KCNMB2: variants seen among roughly 807,000 people sequenced by gnomAD.
KCNMB2 encodes calcium-activated potassium channel subunit beta-2.
KCNMB2 carries 9 observed loss-of-function variants against 24.5 expected under a neutral mutation model. The ratio of observed to expected loss-of-function variants is 0.37; its 90% confidence interval spans 0.22 to 0.64. The LOEUF (loss-of-function observed/expected upper bound fraction) is 0.64, where lower values mean the gene tolerates loss of function less well. Among genes scored for constraint, KCNMB2 ranks in the 30% least tolerant of loss-of-function variants. KCNMB2 has a pLI of 0.63. For missense variants in KCNMB2, 226 were observed against 284.3 expected (o/e 0.79, Z 1.47); for synonymous variants, 109 against 104.4 (o/e 1.04, Z -0.27).
At chr3:178,809,185 C>T (rs1023073540) in intron 2 of KCNMB2, among the ~76,000 whole-genome samples, 6 of 152,210 alleles carry the variant, frequency 3.9e-5, no homozygotes, top group Non-Finnish European at 7.3e-5. Context: ...GGTCCTGCAA[C>T]TTTCATGCCA....
At chr3:178,768,939 ATG>A (rs1454687879) in intron 1 of KCNMB2, among the ~76,000 whole-genome samples, 1 of 147,460 alleles carries the variant, frequency 6.8e-6, no homozygotes, top group African/African-American at 2.5e-5. Context: ...ATACCCCATA[ATG>A]TACCAACATT....
intron 1 of KCNMB2, among the ~76,000 whole-genome samples, chr3:178,779,977 C>T (rs952946044): frequency 3.2e-4 from 48 of 150,932 alleles, no homozygotes; most frequent in African/African-American, 1.2e-3. Context: ...GGATTCTTTT[C>T]CTATACTTAC....
intron 1 of KCNMB2, among the ~76,000 whole-genome samples, chr3:178,656,408 G>A (rs1353192521): frequency 6.6e-6 from 1 of 152,136 alleles, no homozygotes. Context: ...TGATATTATA[G>A]CATATGTCAG....
intron 4 of KCNMB2, chr3:178,841,690 T>G (rs893970980): frequency 1.3e-5 from 2 of 152,152 alleles, no homozygotes; most frequent in African/African-American, 4.8e-5. Context: ...TCAAATCTCA[T>G]GAGAACTTAC....
At chr3:178,735,299 C>G (rs943156667) in intron 1 of KCNMB2, among the ~76,000 whole-genome samples, 28 of 152,004 alleles carry the variant, frequency 1.8e-4, no homozygotes, top group Non-Finnish European at 5.9e-5. Flanking sequence ...GCCTGGATCA[C>G]AGTTCTCAAA....
intron 1 of KCNMB2, among the ~76,000 whole-genome samples, chr3:178,672,092 G>A (rs535613356): frequency 4.7e-4 from 71 of 152,296 alleles, no homozygotes; most frequent in African/African-American, 1.7e-3. Context: ...CTGAAGGACT[G>A]TAGCACAGGA....
chr3:178,562,982 G>C (rs758311365), intron 1 of KCNMB2, among the ~76,000 whole-genome samples: 9 of 152,180 alleles, frequency 5.9e-5, no homozygotes, highest in Non-Finnish European at 1.2e-4. Flanking sequence ...ATTGTGTCAA[G>C]CAAAACACAT....
intron 1 of KCNMB2, among the ~76,000 whole-genome samples, chr3:178,569,218 G>T (rs1261431793): frequency 6.6e-6 from 1 of 152,060 alleles, no homozygotes; most frequent in Non-Finnish European, 1.5e-5. Context: ...GGACAGAGAG[G>T]CAATCTCTTC....
intron 1 of KCNMB2, among the ~76,000 whole-genome samples, chr3:178,756,257 CGTGT>C (rs889815366): frequency 4.7e-5 from 7 of 149,422 alleles, no homozygotes; most frequent in South Asian, 2.1e-4. Context: ...TGTGTGTATG[CGTGT>C]GTGTGTGTTT....
At chr3:178,634,392 C>T (rs1719437241) in intron 1 of KCNMB2, among the ~76,000 whole-genome samples, 1 of 152,034 alleles carries the variant, frequency 6.6e-6, no homozygotes, top group African/African-American at 2.4e-5. Context: ...ACCAGGGAGG[C>T]CTCAGGAAAC....
intron 1 of KCNMB2, among the ~76,000 whole-genome samples, chr3:178,759,402 GATATATATATATATATATATCTCTCCA>G: frequency 8.1e-5 from 1 of 12,280 alleles, no homozygotes; most frequent in Non-Finnish European, 1.4e-4. Context: ...TCTCCAAGAG[GATATATATATATATATATATCTCTCCA>G]AGAGGATATA....
intron 1 of KCNMB2, among the ~76,000 whole-genome samples, chr3:178,634,441 T>C (rs930648198): frequency 6.6e-6 from 1 of 152,088 alleles, no homozygotes; most frequent in Non-Finnish European, 1.5e-5. Context: ...CATGCCCTTC[T>C]TCACATGGTG....
chr3:178,683,808 A>G (rs1418394188), intron 1 of KCNMB2, among the ~76,000 whole-genome samples: 1 of 152,234 alleles, frequency 6.6e-6, no homozygotes, highest in Non-Finnish European at 1.5e-5. Context: ...GTCAAAAGGT[A>G]AATATTGGCA....
chr3:178,700,731 T>C (rs1213344544), intron 1 of KCNMB2, among the ~76,000 whole-genome samples: 1 of 151,976 alleles, frequency 6.6e-6, no homozygotes, highest in Non-Finnish European at 1.5e-5. Flanking sequence ...TCCAGCTAAC[T>C]CATCCCCAAT....
intron 1 of KCNMB2, among the ~76,000 whole-genome samples, chr3:178,562,485 T>C (rs1386525799): frequency 6.6e-6 from 1 of 152,164 alleles, no homozygotes; most frequent in Non-Finnish European, 1.5e-5. Flanking sequence ...CCAAGAGCTA[T>C]AAGGCTAAGA....
chr3:178,624,285 C>T (rs901425557), intron 1 of KCNMB2, among the ~76,000 whole-genome samples: 5 of 151,202 alleles, frequency 3.3e-5, no homozygotes, highest in African/African-American at 1.2e-4. Flanking sequence ...GATTGATACC[C>T]AACCCATGAA....
chr3:178,753,438 C>T (rs907499478), intron 1 of KCNMB2, among the ~76,000 whole-genome samples: 3 of 152,090 alleles, frequency 2.0e-5, no homozygotes, highest in African/African-American at 7.2e-5. Context: ...GTAGTAATAA[C>T]AATCGTATTG....
chr3:178,549,226 A>G (rs1715865584), intron 1 of KCNMB2, among the ~76,000 whole-genome samples: 1 of 151,900 alleles, frequency 6.6e-6, no homozygotes, highest in Non-Finnish European at 1.5e-5. Context: ...AATTAGAGAG[A>G]CTCTGAAATA....
chr3:178,699,477 G>GT (rs1722005939), intron 1 of KCNMB2, among the ~76,000 whole-genome samples: 2 of 152,202 alleles, frequency 1.3e-5, no homozygotes, highest in African/African-American at 2.4e-5. Flanking sequence ...ATACAGGCTG[G>GT]TGTGAGGCCA....
Sources: allele counts gnomAD v4.1 joint callset (sites outside exome capture counted in the v4.1 genomes callset), GRCh38; gene constraint gnomAD v4.1.1; transcripts MANE v1.5; gene names NCBI Gene and HGNC (gene_info 2026-07-23, HGNC 2026-07-21).